Variants in ESF1 observed in about 807,000 individuals in gnomAD.
ESF1 encodes ESF1 homolog.
In ESF1, 58 loss-of-function variants were observed where a neutral mutation model predicts 92.0. The ratio of observed to expected loss-of-function variants is 0.63; its 90% CI spans 0.51 to 0.78. ESF1 has a LOEUF of 0.78. ESF1 is among the 30% of genes least tolerant of loss of function. ESF1 has a pLI of 0.00. For missense variants in ESF1, 922 were observed against 989.1 expected, an observed-to-expected ratio of 0.93 and a Z score of 0.91; for synonymous variants, 321 against 313.7, an observed-to-expected ratio of 1.02 and a Z score of -0.24.
At chr20:13,775,082 C>CA (rs67609153) in intron 4 of ESF1, 75 bp downstream of exon 4, 14,918 of 728,688 alleles carry the variant, frequency 0.02, 28 homozygotes, top group African/African-American at 0.032. Flanking sequence ...AAACTATGGC[C>CA]AAAAAAAAAA....
At chr20:13,734,971 T>C in intron 9 of ESF1, among the ~76,000 whole-genome samples, 1 of 152,114 alleles carries the variant, frequency 6.6e-6, no homozygotes, top group Non-Finnish European at 1.5e-5. Context: ...TCTTCTATTA[T>C]CAGATACATC....
intron 10 of ESF1, among the ~76,000 whole-genome samples, chr20:13,729,642 G>C (rs2049928326): frequency 6.6e-6 from 1 of 151,864 alleles, no homozygotes; most frequent in Non-Finnish European, 1.5e-5. Flanking sequence ...TTATTTGTTG[G>C]TTAAAGAAAA....
intron 7 of ESF1, among the ~76,000 whole-genome samples, chr20:13,768,153 A>T (rs1019889137): frequency 6.6e-6 from 1 of 152,206 alleles, no homozygotes; most frequent in Middle Eastern, 3.2e-3. Flanking sequence ...ACACCCAGTA[A>T]CTAATCAATG....
At chr20:13,734,824 C>A (rs1229418054) in intron 9 of ESF1, among the ~76,000 whole-genome samples, 2 of 151,944 alleles carry the variant, frequency 1.3e-5, no homozygotes, top group African/African-American at 2.4e-5. Flanking sequence ...ATTCTAAATT[C>A]TAAGAAAGTA....
chr20:13,742,512 C>T (rs2050021007), intron 9 of ESF1, among the ~76,000 whole-genome samples: 1 of 151,916 alleles, frequency 6.6e-6, no homozygotes, highest in Non-Finnish European at 1.5e-5. Context: ...TACCTTATGA[C>T]TCAGCAATTA....
At chr20:13,783,206 T>A in intron 1 of ESF1, 23 bp from the exon 2 acceptor site, 1 of 1,417,460 alleles carries the variant, frequency 7.1e-7, no homozygotes, top group South Asian at 1.4e-5. Flanking sequence ...ACAAATGTTT[T>A]AATGGTAATA....
At chr20:13,728,916 G>A (rs1010321725) in intron 10 of ESF1, among the ~76,000 whole-genome samples, 1 of 151,696 alleles carries the variant, frequency 6.6e-6, no homozygotes, top group Non-Finnish European at 1.5e-5. Context: ...TTTTTAAATG[G>A]ACCAGTTTAT....
At chr20:13,732,790 G>A (rs2049951793) in intron 10 of ESF1, among the ~76,000 whole-genome samples, 1 of 152,096 alleles carries the variant, frequency 6.6e-6, no homozygotes, top group Admixed American at 6.5e-5. Context: ...AAACCTAAGT[G>A]ATCTGTACTA....
intron 2 of ESF1, 117 bp from the exon 3 acceptor site, chr20:13,776,387 G>T: frequency 1.0e-6 from 1 of 955,236 alleles, no homozygotes; most frequent in East Asian, 2.6e-5. Flanking sequence ...ACACAGTAAA[G>T]ACAAATATAT....
Position 13,741,384 on chromosome 20 carries a change from G to A in ESF1, c.1829-7542C>T, listed in dbSNP as rs539367540. On this transcript the variant is annotated intron_variant, in intron 9 of 13. Transcript: ENST00000617257. ...CCCCCATACAAGCTGGCCTACAGGTGGGCTAGATGTGGTGGTCGTTAATGT... is the reference window on the plus strand; with the variant it reads ...CCCCCATACAAGCTGGCCTACAGGTAGGCTAGATGTGGTGGTCGTTAATGT... Among the ~76,000 whole-genome samples the A allele has an allele frequency of 9.2e-5, 14 of 152,260 alleles. No homozygotes were observed. The South Asian group carries it at 2.9e-3, about 32-fold the overall frequency.
intron 5 of ESF1, among the ~76,000 whole-genome samples, chr20:13,771,880 A>C (rs537772383): frequency 6.6e-6 from 1 of 150,748 alleles, no homozygotes; most frequent in South Asian, 2.1e-4. Context: ...TTAAGAGTCT[A>C]TAAGTTTGAT....
At chr20:13,729,130 G>T (rs2049924105) in intron 10 of ESF1, among the ~76,000 whole-genome samples, 1 of 151,984 alleles carries the variant, frequency 6.6e-6, no homozygotes, top group Non-Finnish European at 1.5e-5. Flanking sequence ...ATGGTGGTGG[G>T]CACCTCTAAT....
At chr20:13,749,699 C>T (rs982849903) in intron 9 of ESF1, among the ~76,000 whole-genome samples, 3 of 151,798 alleles carry the variant, frequency 2.0e-5, no homozygotes, top group African/African-American at 4.8e-5. Context: ...CCAAGTAGCT[C>T]GGACTACAGG....
chr20:13,744,056 T>TG, intron 9 of ESF1, among the ~76,000 whole-genome samples: 1 of 152,302 alleles, frequency 6.6e-6, no homozygotes, highest in South Asian at 2.1e-4. Context: ...TAGTGGGTGG[T>TG]GGGTTCACTT....
intron 9 of ESF1, among the ~76,000 whole-genome samples, chr20:13,741,870 C>T (rs1448595307): frequency 1.3e-5 from 2 of 152,046 alleles, no homozygotes; most frequent in Non-Finnish European, 1.5e-5. Context: ...TTATACAAGA[C>T]AAAGGATCAG....
chr20:13,718,740 C>T (rs1398072945), intron 12 of ESF1, among the ~76,000 whole-genome samples, 168 bp downstream of exon 12: 3 of 137,496 alleles, frequency 2.2e-5, no homozygotes, highest in African/African-American at 7.5e-5. Context: ...AAAAAAAACA[C>T]TGTATTTAGA....
rs551213888 is a variant in ESF1 at position 13,784,913 on chromosome 20, C to G, written c.-77G>C. On this transcript the variant is annotated 5_prime_UTR_variant, in exon 1 of 14. Transcript: ENST00000617257. ...GTCCTACCAAGCCTCACGTGGGGCT[C>G]ACACCCACAATCCTCCGCGTGACGC... 179 of 679,046 alleles carry G rather than the reference C, an allele frequency of 2.6e-4. 3 individuals are homozygous for G. In the South Asian group the frequency reaches 3.1e-3, roughly 12 times the overall value. 42.1% of individuals were successfully genotyped at this position (679,046 alleles called of 1,614,324 possible). A position where few individuals can be genotyped will look rare whatever the true frequency, so the allele number is the denominator to read the frequency against.
At chr20:13,779,571 G>GGA in intron 2 of ESF1, among the ~76,000 whole-genome samples, 1 of 152,184 alleles carries the variant, frequency 6.6e-6, no homozygotes, top group Admixed American at 6.5e-5. Context: ...GTCTTGCTCT[G>GGA]TTGCCCAGGC....
chr20:13,756,383 T>C (rs1978897012), intron 9 of ESF1, among the ~76,000 whole-genome samples: 1 of 152,184 alleles, frequency 6.6e-6, no homozygotes, highest in East Asian at 1.9e-4. Context: ...TTTTCCCCTA[T>C]TCAATTAAAA....
Sources: allele counts gnomAD v4.1 joint callset (sites outside exome capture counted in the v4.1 genomes callset), GRCh38; gene constraint gnomAD v4.1.1; transcripts MANE v1.5; gene names NCBI Gene and HGNC (gene_info 2026-07-23, HGNC 2026-07-21).